The following RUNX1T1 variants were observed in gnomAD, a reference collection of about 807,000 sequenced individuals.
RUNX1T1 encodes RUNX1 partner transcriptional co-repressor 1.
In RUNX1T1, 4 loss-of-function variants were observed where a neutral mutation model predicts 62.8. That is an observed-to-expected ratio of 0.06 (90% CI 0.03 to 0.15). The LOEUF (loss-of-function observed/expected upper bound fraction) is 0.15. RUNX1T1 is among the 10% of genes least tolerant of loss of function. The pLI, the probability that RUNX1T1 is intolerant of heterozygous loss-of-function variation, is 1.00. For synonymous variants in RUNX1T1, 291 were observed against 286.0 expected (o/e 1.02, Z -0.18); for missense variants, 508 against 754.3 (o/e 0.67, Z 3.82).
intron 3 of RUNX1T1, among the ~76,000 whole-genome samples, chr8:92,012,782 G>T (rs1355045576): frequency 1.3e-5 from 2 of 151,588 alleles, no homozygotes; most frequent in Non-Finnish European, 2.9e-5. Context: ...CTCTCAAATG[G>T]TAGTCCTGAG....
downstream of RUNX1T1, chr8:91,958,297 T>A (rs1258937660): frequency 5.0e-6 from 1 of 198,274 alleles, no homozygotes. Context: ...GTCTGGACCC[T>A]GGACAACGAA....
chr8:91,974,924 G>C (rs1461149561), intron 9 of RUNX1T1, among the ~76,000 whole-genome samples: 1 of 152,082 alleles, frequency 6.6e-6, no homozygotes, highest in Non-Finnish European at 1.5e-5. Flanking sequence ...AAGTTACACA[G>C]AACTACAAAC....
chr8:92,007,146 G>A (rs898740170), intron 4 of RUNX1T1, among the ~76,000 whole-genome samples: 1 of 152,146 alleles, frequency 6.6e-6, no homozygotes, highest in African/African-American at 2.4e-5. Context: ...ACATTTCTAT[G>A]TGAACATTTT....
chr8:92,049,430 G>C (rs1829907596), intron 1 of RUNX1T1, among the ~76,000 whole-genome samples: 1 of 152,080 alleles, frequency 6.6e-6, no homozygotes, highest in Non-Finnish European at 1.5e-5. Flanking sequence ...ATTCCAGCAA[G>C]AATACAGCAG....
intron 8 of RUNX1T1, chr8:91,976,188 T>C: frequency 1.9e-6 from 1 of 515,808 alleles, no homozygotes; most frequent in Non-Finnish European, 3.5e-6. Flanking sequence ...TTGGTCTAAA[T>C]GCCATGCATG....
intron 1 of RUNX1T1, among the ~76,000 whole-genome samples, chr8:92,052,189 T>A (rs1470024451): frequency 1.3e-5 from 2 of 152,232 alleles, no homozygotes; most frequent in African/African-American, 4.8e-5. Flanking sequence ...CTTATTTATG[T>A]TGAACAGAGA....
At chr8:92,060,553 A>ATATATATATATGTGTGTGTGTG in intron 1 of RUNX1T1, among the ~76,000 whole-genome samples, 166 of 63,816 alleles carry the variant, frequency 2.6e-3, no homozygotes, top group Non-Finnish European at 4.5e-3. Flanking sequence ...ATATATATAT[A>ATATATATATATGTGTGTGTGTG]TGTGTGTGTG....
intron 1 of RUNX1T1, among the ~76,000 whole-genome samples, chr8:92,053,871 C>T (rs1830604265): frequency 6.6e-6 from 1 of 152,110 alleles, no homozygotes; most frequent in South Asian, 2.1e-4. Context: ...AAATCAAGAT[C>T]TGAACATAAA....
chr8:92,089,961 T>C (rs565923779), intron 1 of RUNX1T1, among the ~76,000 whole-genome samples: 1 of 149,256 alleles, frequency 6.7e-6, no homozygotes, highest in South Asian at 2.1e-4. Context: ...CATTTTTTTT[T>C]CACTCTCCTA....
upstream of RUNX1T1, among the ~76,000 whole-genome samples, chr8:92,066,518 T>A (rs1237372187): frequency 6.6e-6 from 1 of 152,204 alleles, no homozygotes; most frequent in Admixed American, 6.5e-5. Flanking sequence ...ATCCCACTGA[T>A]AAGGCAAACC....
intron 1 of RUNX1T1, among the ~76,000 whole-genome samples, chr8:92,045,402 C>G (rs1203644201): frequency 6.6e-6 from 1 of 152,138 alleles, no homozygotes; most frequent in Non-Finnish European, 1.5e-5. Flanking sequence ...CAAGATGGAT[C>G]CTACTATTGT....
At chr8:91,999,448 G>T (rs1819341238) in intron 5 of RUNX1T1, among the ~76,000 whole-genome samples, 1 of 152,166 alleles carries the variant, frequency 6.6e-6, no homozygotes, top group African/African-American at 2.4e-5. Flanking sequence ...AAGAATCTAA[G>T]AAAAGAACCT....
chr8:91,991,380 G>A (rs191719162), intron 6 of RUNX1T1, among the ~76,000 whole-genome samples: 1 of 152,120 alleles, frequency 6.6e-6, no homozygotes, highest in African/African-American at 2.4e-5. Context: ...TGAGGGTCTT[G>A]TATTAATCTA....
At chr8:91,995,032 T>C (rs537240436) in intron 5 of RUNX1T1, among the ~76,000 whole-genome samples, 23 of 152,342 alleles carry the variant, frequency 1.5e-4, no homozygotes, top group African/African-American at 5.1e-4. Flanking sequence ...TTTGAACAAT[T>C]TATTATTTAT....
chr8:92,061,254 T>TA (rs1160698155), intron 1 of RUNX1T1, among the ~76,000 whole-genome samples: 5 of 152,128 alleles, frequency 3.3e-5, no homozygotes, highest in African/African-American at 9.7e-5. Context: ...ATTAACAGCA[T>TA]AAAAAAGATC....
intron 2 of RUNX1T1, among the ~76,000 whole-genome samples, chr8:92,074,306 C>T (rs1003765047): frequency 6.6e-6 from 1 of 152,128 alleles, no homozygotes; most frequent in African/African-American, 2.4e-5. Context: ...TGGTTCATTG[C>T]CAGCAGGCCA....
intron 1 of RUNX1T1, among the ~76,000 whole-genome samples, chr8:92,060,573 G>A (rs1184061586): frequency 7.0e-6 from 1 of 142,342 alleles, no homozygotes; most frequent in Non-Finnish European, 1.5e-5. Context: ...GTGTGTGTGT[G>A]TGTGTGTGTG....
intron 1 of RUNX1T1, among the ~76,000 whole-genome samples, chr8:92,084,211 C>T (rs1835729449): frequency 1.4e-5 from 2 of 143,502 alleles, no homozygotes; most frequent in Non-Finnish European, 3.0e-5. Context: ...CAAACCTGCA[C>T]GTTCTGCACA....
intron 1 of RUNX1T1, among the ~76,000 whole-genome samples, chr8:92,090,033 T>C (rs910177780): frequency 6.6e-5 from 10 of 151,438 alleles, no homozygotes; most frequent in African/African-American, 2.2e-4. Context: ...GTATGAGAGT[T>C]GGGAAGCCTA....
Sources: gnomAD v4.1 joint callset for allele counts (sites outside exome capture counted in the v4.1 genomes callset) on GRCh38, gnomAD v4.1.1 for gene constraint, MANE v1.5 for transcripts, NCBI Gene and HGNC (gene_info 2026-07-23, HGNC 2026-07-21) for gene names.